The following MTFR1 variants were observed in gnomAD, a reference collection of about 807,000 sequenced individuals.
MTFR1 encodes chondrocyte protein with a poly-proline region.
A neutral mutation model predicts 38.8 loss-of-function variants in MTFR1; 28 were observed. The observed-to-expected ratio is 0.72, with a 90% CI of 0.53 to 0.99. The LOEUF (loss-of-function observed/expected upper bound fraction) is 0.99. Ranked by LOEUF, MTFR1 falls within the 50% of genes least tolerant of loss-of-function variation. The probability of loss-of-function intolerance (pLI) is 0.00; values close to 1 mark genes in which losing one functional copy is unlikely to be tolerated. For missense variants in MTFR1, 358 were observed against 395.5 expected (o/e 0.91, Z 0.81); for synonymous variants, 145 against 137.0 (o/e 1.06, Z -0.41).
intron 1 of MTFR1, among the ~76,000 whole-genome samples, chr8:65,653,114 A>G (rs545388136): frequency 2.0e-5 from 3 of 152,218 alleles, no homozygotes; most frequent in Non-Finnish European, 2.9e-5. Context: ...TAGGGAGTAC[A>G]ATGTATAGTT....
At chr8:65,778,397 T>G in the MTFR1 span, among the ~76,000 whole-genome samples, 23 of 152,146 alleles carry the variant, frequency 1.5e-4, no homozygotes, top group African/African-American at 5.3e-4. Flanking sequence ...GTTCCAGCCC[T>G]GGAAGATGAC....
Position 65,770,190 on chromosome 8 carries a change from T to G in MTFR1, c.*49-757T>G, listed in dbSNP as rs148502141. Among the ~76,000 whole-genome samples, 928 of 151,790 alleles carry G rather than the reference T, an allele frequency of 6.1e-3. 11 individuals carry two copies. The highest frequency in any genetic ancestry group is 0.02 in the African/African-American group (822 of 41,336). On this transcript the variant is annotated intron_variant, in intron 3 of 3. Coordinates refer to the MTFR1 transcript ENST00000521247. ...CACACCTAATTCTTTTTTCTGAACA[T>G]TTGAGGGTAGGTTATAAGCACTCTA...
At chr8:65,729,946 G>T (rs1585834833) in intron 3 of MTFR1, among the ~76,000 whole-genome samples, 1 of 151,896 alleles carries the variant, frequency 6.6e-6, no homozygotes, top group Admixed American at 6.6e-5. Context: ...CACACAGAAG[G>T]CAAAAGGACA....
intron 3 of MTFR1, among the ~76,000 whole-genome samples, chr8:65,689,339 A>G (rs1445992329): frequency 6.6e-6 from 1 of 152,182 alleles, no homozygotes; most frequent in Non-Finnish European, 1.5e-5. Context: ...CTTTTCTACT[A>G]TTGTACAACA....
chr8:65,658,915 G>C (rs1439847571), intron 1 of MTFR1, among the ~76,000 whole-genome samples: 1 of 152,136 alleles, frequency 6.6e-6, no homozygotes, highest in Non-Finnish European at 1.5e-5. Context: ...AAGTGTAAGA[G>C]AATAAGCAAG....
chr8:65,719,636 T>G, intron 3 of MTFR1: 4 of 633,666 alleles, frequency 6.3e-6, no homozygotes, highest in Non-Finnish European at 1.1e-5. Context: ...TGTGTATGTG[T>G]AGGTGACAGA....
At chr8:65,662,368 G>A (rs1413749228) in intron 1 of MTFR1, among the ~76,000 whole-genome samples, 2 of 151,896 alleles carry the variant, frequency 1.3e-5, no homozygotes, top group Non-Finnish European at 2.9e-5. Flanking sequence ...CCGAGGTGCC[G>A]GGATGGCAGA....
chr8:65,747,804 C>T (rs745762754), intron 3 of MTFR1: 1 of 1,596,302 alleles, frequency 6.3e-7, no homozygotes, highest in South Asian at 1.1e-5. Flanking sequence ...TCAGATTGAG[C>T]TGAAATAAAA....
intron 3 of MTFR1, among the ~76,000 whole-genome samples, chr8:65,730,522 G>GT (rs1411852578): frequency 1.3e-5 from 2 of 152,070 alleles, no homozygotes; most frequent in Admixed American, 6.5e-5. Flanking sequence ...GATCTGAAGT[G>GT]TAACAGTTTC....
chr8:65,733,761 A>C (rs1463689971), intron 3 of MTFR1, among the ~76,000 whole-genome samples: 1 of 152,206 alleles, frequency 6.6e-6, no homozygotes, highest in Non-Finnish European at 1.5e-5. Flanking sequence ...ATACTAAAAA[A>C]CGGGCATTTT....
downstream of MTFR1, among the ~76,000 whole-genome samples, chr8:65,710,988 TATAGAGAGAG>T (rs1805927709): frequency 6.8e-6 from 1 of 148,012 alleles, no homozygotes; most frequent in South Asian, 2.1e-4. Context: ...CATATATATA[TATAGAGAGAG>T]AGAGAGAGAG....
chr8:65,739,711 T>G, intron 3 of MTFR1: 1 of 1,113,034 alleles, frequency 9.0e-7, no homozygotes, highest in Non-Finnish European at 1.1e-6. Context: ...TAATTCCCAC[T>G]TTTTGTCTAT....
At chr8:65,743,369 G>A (rs1039441404) in intron 3 of MTFR1, among the ~76,000 whole-genome samples, 2 of 152,134 alleles carry the variant, frequency 1.3e-5, no homozygotes, top group African/African-American at 4.8e-5. Flanking sequence ...GGGCCAAGGT[G>A]GGGGCAGGGA....
chr8:65,678,666 C>T (rs1230242837), intron 2 of MTFR1, among the ~76,000 whole-genome samples: 34 of 151,980 alleles, frequency 2.2e-4, no homozygotes, highest in Admixed American at 2.2e-3. Flanking sequence ...TTTGGGAGGC[C>T]GAGACGATTA....
intron 3 of MTFR1, among the ~76,000 whole-genome samples, chr8:65,685,076 GCTT>G (rs1215973661): frequency 6.6e-6 from 1 of 152,182 alleles, no homozygotes; most frequent in Admixed American, 6.5e-5. Context: ...TATCTCCACT[GCTT>G]CTTTGTTTAT....
intron 3 of MTFR1, among the ~76,000 whole-genome samples, chr8:65,754,688 TGGGCACAG>T (rs1433164395): frequency 9.5e-5 from 14 of 147,762 alleles, no homozygotes; most frequent in Non-Finnish European, 1.9e-4. Flanking sequence ...TCCATTAGGC[TGGGCACAG>T]TGGCTCACGC....
intron 1 of MTFR1, among the ~76,000 whole-genome samples, chr8:65,667,007 G>A (rs1378961361): frequency 6.6e-6 from 1 of 152,142 alleles, no homozygotes; most frequent in Admixed American, 6.6e-5. Context: ...AGACGCGGTG[G>A]CTCACACCTT....
At chr8:65,708,211 T>G in intron 7 of MTFR1, 200 bp downstream of exon 7, 2 of 1,055,710 alleles carry the variant, frequency 1.9e-6, no homozygotes, top group Middle Eastern at 2.1e-4. Flanking sequence ...CACTTTTACT[T>G]TTCTAACTAT....
intron 3 of MTFR1, chr8:65,724,199 G>A (rs1452883652): frequency 3.7e-6 from 4 of 1,067,312 alleles, no homozygotes; most frequent in Admixed American, 1.8e-5. Context: ...TTATTCTTAC[G>A]ATGTTAAAAA....
Sources: allele counts gnomAD v4.1 joint callset (sites outside exome capture counted in the v4.1 genomes callset), GRCh38; gene constraint gnomAD v4.1.1; transcripts MANE v1.5; gene names NCBI Gene and HGNC (gene_info 2026-07-23, HGNC 2026-07-21).